Variants in RABIF observed in about 807,000 individuals in gnomAD.
RABIF encodes the protein guanine nucleotide exchange factor MSS4.
In RABIF, 13 loss-of-function variants were observed where a neutral mutation model predicts 12.3. The ratio of observed to expected loss-of-function variants is 1.06; its 90% CI spans 0.69 to 1.68. The LOEUF is 1.68. Among genes scored for constraint, RABIF ranks in the 40% most tolerant of loss-of-function variants. The pLI, the probability that RABIF is intolerant of heterozygous loss-of-function variation, is 0.00. For synonymous variants in RABIF, 70 were observed against 63.3 expected, an observed-to-expected ratio of 1.11 and a Z score of -0.50; for missense variants, 153 against 158.0, an observed-to-expected ratio of 0.97 and a Z score of 0.17.
Position 202,888,959 on chromosome 1 carries a change from A to T in RABIF, c.126+14T>A. 1 of 1,539,832 alleles carries T rather than the reference A, an allele frequency of 6.5e-7. No individual in the cohort carries two copies. The highest frequency in any genetic ancestry group is 8.8e-7 in the Non-Finnish European group (1 of 1,140,390). ...AGACTGTGGGTGTAAACGGCCTCCA[A>T]CCTGCCTCCCTACCTGTCGGCGAGA... On this transcript the variant is annotated intron_variant, in intron 1 of 1. Coordinates refer to ENST00000367262, the MANE Select transcript of RABIF (RefSeq NM_002871.5).
rs1480108708 is a variant in RABIF at position 202,880,935 on chromosome 1, T to C, written c.*43A>G. 1.2e-6 allele frequency: 2 copies of C among 1,602,214 alleles called. No homozygotes were observed. The highest frequency in any genetic ancestry group is 1.3e-5 in the African/African-American group (1 of 74,604). ...ATTAAAGGCCAGTTCTTGTGGGGAG[T>C]AGGTTTATCTTTGGAGATGGAGCTG... On this transcript the variant is annotated 3_prime_UTR_variant, in exon 2 of 2. Coordinates refer to ENST00000367262, the MANE Select transcript of RABIF (RefSeq NM_002871.5).
At chr1:202,886,035 A>C (rs1659555935) in intron 1 of RABIF, among the ~76,000 whole-genome samples, 1 of 151,828 alleles carries the variant, frequency 6.6e-6, no homozygotes, top group Non-Finnish European at 1.5e-5. Flanking sequence ...AAAATGCATT[A>C]AAAAAATTCT....
At chr1:202,884,130 G>A (rs1659527563) in intron 1 of RABIF, among the ~76,000 whole-genome samples, 1 of 152,270 alleles carries the variant, frequency 6.6e-6, no homozygotes, top group East Asian at 1.9e-4. Flanking sequence ...GGACCCCAGC[G>A]AATCCTGGAC....
At chr1:202,883,183 CCCA>C (rs1659515889) in intron 1 of RABIF, among the ~76,000 whole-genome samples, 1 of 152,148 alleles carries the variant, frequency 6.6e-6, no homozygotes, top group Admixed American at 6.5e-5. Flanking sequence ...CATTTCCCAC[CCCA>C]CGATATACTT....
In RABIF at chr1:202,889,075, G is replaced by A. The variant is rs142176614; in HGVS notation, c.24C>T (p.Ser8=). The A allele has an allele frequency of 3.1e-6, 5 of 1,609,246 alleles. No homozygotes were observed. Among genetic ancestry groups the A allele is most frequent in the South Asian group, 2.2e-5 (2 of 90,678 alleles). MEPAEQP[S]ELVSAEGRNR... is the part of the protein sequence containing the mutation. Reference sequence around the variant, plus strand: ...TTCGGCCCTCGGCTGACACTAACTCGCTCGGCTGCTCCGCTGGTTCCATCG... The same window carrying A: ...TTCGGCCCTCGGCTGACACTAACTCACTCGGCTGCTCCGCTGGTTCCATCG... Residue 8 remains serine, a synonymous_variant, in exon 1 of 2, where the codon AGC becomes AGT. Coordinates refer to ENST00000367262, the MANE Select transcript of RABIF (RefSeq NM_002871.5).
Position 202,880,732 on chromosome 1 carries a change from G to A in RABIF, c.*246C>T. Reference sequence around the variant, plus strand: ...GATGAGATTTTTGGAGGTAAGCACAGTGTCCCAAAACTGGGGGAAAAGGGA... The same window carrying A: ...GATGAGATTTTTGGAGGTAAGCACAATGTCCCAAAACTGGGGGAAAAGGGA... On this transcript the variant is annotated 3_prime_UTR_variant, in exon 2 of 2. Coordinates refer to ENST00000367262, the MANE Select transcript of RABIF (RefSeq NM_002871.5). The A allele has an allele frequency of 1.6e-6, 2 of 1,257,126 alleles. No individual in the cohort carries two copies. The highest frequency in any genetic ancestry group is 2.0e-6 in the Non-Finnish European group (2 of 993,908). The allele number at this position is 1,257,126 out of a possible 1,614,324, so 77.9% of individuals were successfully genotyped here.
chr1:202,887,004 G>A (rs571839751), intron 1 of RABIF, among the ~76,000 whole-genome samples: 1 of 149,126 alleles, frequency 6.7e-6, no homozygotes, highest in Non-Finnish European at 1.5e-5. Context: ...AAAAGAGCTG[G>A]GATTACAGGT....
chr1:202,881,353 C>G (rs1659488583), intron 1 of RABIF, 130 bp from the exon 2 acceptor site: 1 of 1,333,046 alleles, frequency 7.5e-7, no homozygotes, highest in African/African-American at 1.5e-5. Flanking sequence ...TCTCATTAAG[C>G]TGTAGACGAT....
chr1:202,883,010 A>G (rs1330990663), intron 1 of RABIF, among the ~76,000 whole-genome samples: 1 of 152,168 alleles, frequency 6.6e-6, no homozygotes, highest in East Asian at 1.9e-4. Flanking sequence ...CTTCTCAATC[A>G]TTAGGAGAAG....
At chr1:202,882,592 T>C (rs1309307571) in intron 1 of RABIF, among the ~76,000 whole-genome samples, 2 of 152,166 alleles carry the variant, frequency 1.3e-5, no homozygotes, top group African/African-American at 4.8e-5. Context: ...TATTTCACTT[T>C]AGCACATGTA....
rs972879256 is a variant in RABIF at position 202,878,979 on chromosome 1, A to C, written c.*1999T>G. On this transcript the variant is annotated 3_prime_UTR_variant, in exon 2 of 2. Transcript: ENST00000367262. ...TAATTTCCATTGCTTAAATGCCTTT[A>C]TTTCTTTCAGATCAAACTGAAAAGG... is the stretch of plus-strand genomic sequence containing the variant. 7.2e-5 allele frequency: 11 copies of C among 152,160 alleles called. No homozygotes were observed. Among genetic ancestry groups the C allele is most frequent in the Non-Finnish European group, 1.2e-4 (8 of 68,012 alleles). The allele number at this position is 152,160 out of a possible 1,614,324, so 9.4% of individuals were successfully genotyped here. A position where few individuals can be genotyped will look rare whatever the true frequency, so the allele number is the denominator to read the frequency against.
intron 1 of RABIF, among the ~76,000 whole-genome samples, chr1:202,886,011 A>G (rs1277611080): frequency 6.6e-6 from 1 of 151,816 alleles, no homozygotes; most frequent in Non-Finnish European, 1.5e-5. Context: ...GAGGGAAAAC[A>G]TTTTAAAACA....
At chr1:202,885,409 A>T (rs1290193813) in intron 1 of RABIF, among the ~76,000 whole-genome samples, 1 of 152,202 alleles carries the variant, frequency 6.6e-6, no homozygotes, top group Non-Finnish European at 1.5e-5. Flanking sequence ...GGAGCGAGAG[A>T]GAAAGCTGTA....
rs1016527823 is a variant in RABIF, at chr1:202,888,842, A to G, written c.126+131T>C. ...CGGAGCCTCGCCGAGCTGAGGCCCG[A>G]GGGGCGGGGCTTAAGGCCGCGCGAG... On this transcript the variant is annotated intron_variant, in intron 1 of 1. Coordinates refer to ENST00000367262, the MANE Select transcript of RABIF (RefSeq NM_002871.5). 3 of 1,271,350 alleles carry G rather than the reference A, an allele frequency of 2.4e-6. No individual in the cohort carries two copies. The African/African-American group carries it at 4.7e-5, about 20-fold the overall frequency. The allele number at this position is 1,271,350 out of a possible 1,614,324, so 78.8% of individuals were successfully genotyped here. A position where few individuals can be genotyped will look rare whatever the true frequency, so the allele number is the denominator to read the frequency against.
intron 1 of RABIF, among the ~76,000 whole-genome samples, chr1:202,883,145 T>C (rs1361152466): frequency 6.6e-6 from 1 of 152,162 alleles, no homozygotes; most frequent in African/African-American, 2.4e-5. Context: ...CTGCTCCTCA[T>C]ATGGCTGCTG....
chr1:202,883,226 C>T (rs376289247), intron 1 of RABIF, among the ~76,000 whole-genome samples: 5 of 152,224 alleles, frequency 3.3e-5, no homozygotes, highest in African/African-American at 1.2e-4. Context: ...GAGATGGGGT[C>T]TCTCTACATT....
intron 1 of RABIF, among the ~76,000 whole-genome samples, chr1:202,886,938 C>T (rs757695140): frequency 6.6e-6 from 1 of 150,810 alleles, no homozygotes; most frequent in African/African-American, 2.4e-5. Context: ...TTCACCATGT[C>T]GGCCAGGCAG....
chr1:202,883,958 C>T (rs1659525246), intron 1 of RABIF, among the ~76,000 whole-genome samples: 1 of 152,136 alleles, frequency 6.6e-6, no homozygotes, highest in Admixed American at 6.6e-5. Flanking sequence ...ATTGCTAGGG[C>T]CAGGAGATTA....
chr1:202,888,937 CTG>C (rs1659607819), intron 1 of RABIF, 34 bp downstream of exon 1: 4 of 1,506,070 alleles, frequency 2.7e-6, no homozygotes, highest in Non-Finnish European at 3.6e-6. Context: ...TCGGGGGAGA[CTG>C]TGGGTGTAAA....
Sources: gnomAD v4.1 joint callset for allele counts (sites outside exome capture counted in the v4.1 genomes callset) on GRCh38, gnomAD v4.1.1 for gene constraint, MANE v1.5 for transcripts, NCBI Gene and HGNC (gene_info 2026-07-23, HGNC 2026-07-21) for gene names.